The following TMT1B variants were observed in gnomAD, a reference collection of about 807,000 sequenced individuals.
TMT1B encodes the protein thiol S-methyltransferase TMT1B.
chr12:55,683,927 A>G, the TMT1B span: 1 of 1,614,092 alleles, frequency 6.2e-7, no homozygotes, highest in Non-Finnish European at 8.5e-7. Context: ...CTGCTGCCTC[A>G]CCAGAGAGAC....
the TMT1B span, chr12:55,681,822 C>T: frequency 1.4e-5 from 22 of 1,558,912 alleles, no homozygotes; most frequent in Middle Eastern, 1.7e-4. Context: ...CACCTCATGG[C>T]TCTGCTGGGC....
the TMT1B span, chr12:55,684,273 G>A: frequency 4.1e-3 from 2,196 of 529,234 alleles, 33 homozygotes; most frequent in African/African-American, 0.038. Flanking sequence ...GCTGACCCAG[G>A]GAGGAAACAC....
chr12:55,683,866 C>T, the TMT1B span: 2 of 1,613,970 alleles, frequency 1.2e-6, no homozygotes, highest in Non-Finnish European at 1.7e-6. Context: ...GAAGCTGGGC[C>T]TTCATGTGGC....
the TMT1B span, among the ~76,000 whole-genome samples, chr12:55,682,872 G>C: frequency 6.6e-6 from 1 of 152,134 alleles, no homozygotes; most frequent in Non-Finnish European, 1.5e-5. Flanking sequence ...GAAAATAAAA[G>C]AGTGTTCTAG....
chr12:55,681,755 A>G, the TMT1B span: 11 of 1,548,254 alleles, frequency 7.1e-6, no homozygotes, highest in Admixed American at 5.9e-5. Flanking sequence ...CTGGTCTGCC[A>G]TGGACATCCT....
At chr12:55,684,050 T>C in the TMT1B span, 5 of 1,612,422 alleles carry the variant, frequency 3.1e-6, no homozygotes, top group South Asian at 5.5e-5. Flanking sequence ...TGTCAAATAA[T>C]CTTTCCCAAG....
chr12:55,683,422 G>C, the TMT1B span, among the ~76,000 whole-genome samples: 6 of 152,092 alleles, frequency 3.9e-5, no homozygotes, highest in African/African-American at 1.4e-4. Context: ...TTGAACCTGA[G>C]AGGTGGAGGT....
At chr12:55,683,234 G>A in the TMT1B span, among the ~76,000 whole-genome samples, 7 of 152,170 alleles carry the variant, frequency 4.6e-5, no homozygotes, top group East Asian at 1.9e-4. Flanking sequence ...GGTGGCTCAC[G>A]CCTGTAATCC....
chr12:55,682,064 G>A, the TMT1B span: 31 of 1,614,138 alleles, frequency 1.9e-5, no homozygotes, highest in African/African-American at 4.0e-4. Flanking sequence ...TCCCCACTTT[G>A]AGAAGTTCCT....
chr12:55,684,372 G>A, the TMT1B span: 1 of 311,268 alleles, frequency 3.2e-6, no homozygotes, highest in South Asian at 3.3e-5. Context: ...TCGTTCCCAT[G>A]GTAAAGCTCC....
At chr12:55,683,842 G>A in the TMT1B span, 1 of 1,614,018 alleles carries the variant, frequency 6.2e-7, no homozygotes, top group Non-Finnish European at 8.5e-7. Flanking sequence ...GGGAGCATGT[G>A]GCAGAACCAT....
chr12:55,682,248 G>T, the TMT1B span: 1 of 1,609,794 alleles, frequency 6.2e-7, no homozygotes, highest in Non-Finnish European at 8.5e-7. Flanking sequence ...AGAGTACTGA[G>T]ACCGGTAAGC....
chr12:55,682,334 C>A, the TMT1B span: 1 of 1,396,210 alleles, frequency 7.2e-7, no homozygotes, highest in Non-Finnish European at 9.7e-7. Flanking sequence ...CAGAATGGGG[C>A]GTCTGAGGTA....
chr12:55,683,342 A>G, the TMT1B span, among the ~76,000 whole-genome samples: 6 of 152,110 alleles, frequency 3.9e-5, no homozygotes, highest in Non-Finnish European at 7.4e-5. Context: ...GAAAAATACA[A>G]AAAGTAGCCG....
At chr12:55,684,180 A>C in the TMT1B span, 495,074 of 804,352 alleles carry the variant, frequency 0.62, 157,109 homozygotes, top group East Asian at 0.94. Flanking sequence ...TGTACCACCT[A>C]CTAGTCCCTC....
At chr12:55,683,740 C>T in the TMT1B span, 1 of 1,432,386 alleles carries the variant, frequency 7.0e-7, no homozygotes, top group Non-Finnish European at 9.8e-7. Flanking sequence ...AGAAGTTTGA[C>T]TGTCTTGATC....
the TMT1B span, chr12:55,684,253 C>T: frequency 3.5e-6 from 2 of 563,694 alleles, no homozygotes; most frequent in South Asian, 2.0e-5. Flanking sequence ...TGAAAAAGCT[C>T]TACTTCTACG....
the TMT1B span, chr12:55,681,967 A>G: frequency 6.2e-7 from 1 of 1,614,244 alleles, no homozygotes; most frequent in Admixed American, 1.7e-5. Context: ...CCTCCGGGAA[A>G]GTGGCCCTAC....
the TMT1B span, chr12:55,682,094 A>T: frequency 6.2e-7 from 1 of 1,614,176 alleles, no homozygotes; most frequent in Non-Finnish European, 8.5e-7. Flanking sequence ...CATGGCTGAG[A>T]ACAGGCACCT....
Sources: gnomAD v4.1 joint callset for allele counts (sites outside exome capture counted in the v4.1 genomes callset) on GRCh38, gnomAD v4.1.1 for gene constraint, MANE v1.5 for transcripts, NCBI Gene and HGNC (gene_info 2026-07-23, HGNC 2026-07-21) for gene names.